Variants in APBA1 observed in about 807,000 individuals in gnomAD.
APBA1 encodes amyloid-beta A4 precursor protein-binding family A member 1.
APBA1 carries 55 observed loss-of-function variants against 86.6 expected under a neutral mutation model. That is an observed-to-expected ratio of 0.64 (90% confidence interval 0.51 to 0.80). The LOEUF (loss-of-function observed/expected upper bound fraction) is 0.80, where lower values mean the gene tolerates loss of function less well. Among genes scored for constraint, APBA1 ranks in the 30% least tolerant of loss-of-function variants. The pLI is 0.00. For missense variants in APBA1, 1,090 were observed against 1,183.0 expected (o/e 0.92, Z 1.15); for synonymous variants, 511 against 493.9 (o/e 1.03, Z -0.46).
At chr9:69,517,349 A>G (rs1836184702) in intron 1 of APBA1, 70 bp from the exon 2 acceptor site, 18 of 1,312,846 alleles carry the variant, frequency 1.4e-5, no homozygotes, top group Non-Finnish European at 1.7e-5. Context: ...TATTCAGATA[A>G]CCATAAAAAC....
intron 1 of APBA1, among the ~76,000 whole-genome samples, chr9:69,544,703 T>C (rs1836669277): frequency 6.6e-6 from 1 of 152,202 alleles, no homozygotes; most frequent in Admixed American, 6.5e-5. Flanking sequence ...GGTAACATAC[T>C]GAAAGAATTT....
At chr9:69,454,951 G>A (rs1244601081) in intron 8 of APBA1, among the ~76,000 whole-genome samples, 1 of 152,172 alleles carries the variant, frequency 6.6e-6, no homozygotes, top group Non-Finnish European at 1.5e-5. Flanking sequence ...CAAGCTCTCT[G>A]TTCTCCCAGT....
intron 8 of APBA1, 52 bp from the exon 9 acceptor site, chr9:69,452,353 G>A (rs1408625692): frequency 1.3e-6 from 2 of 1,574,312 alleles, no homozygotes; most frequent in East Asian, 2.2e-5. Context: ...TGCACCTGGT[G>A]AGCGGCCTGG....
intron 1 of APBA1, among the ~76,000 whole-genome samples, chr9:69,649,953 T>C (rs1823466173): frequency 6.6e-6 from 1 of 152,174 alleles, no homozygotes; most frequent in African/African-American, 2.4e-5. Flanking sequence ...AAAGTAATAA[T>C]AAAGATTTTA....
chr9:69,514,274 C>A (rs1836097735), intron 2 of APBA1, among the ~76,000 whole-genome samples: 2 of 152,140 alleles, frequency 1.3e-5, no homozygotes, highest in African/African-American at 4.8e-5. Flanking sequence ...GCACCTACCA[C>A]AATGAGGCAT....
At chr9:69,632,987 A>G (rs1349958041) in intron 1 of APBA1, among the ~76,000 whole-genome samples, 1 of 151,654 alleles carries the variant, frequency 6.6e-6, no homozygotes, top group African/African-American at 2.4e-5. Flanking sequence ...CTGCTGGGTC[A>G]TGATGGTCAT....
At chr9:69,633,305 G>C (rs1823087353) in intron 1 of APBA1, among the ~76,000 whole-genome samples, 1 of 151,946 alleles carries the variant, frequency 6.6e-6, no homozygotes, top group Admixed American at 6.6e-5. Context: ...TAAATTACCT[G>C]ATTCTTTCCT....
At chr9:69,555,778 G>A (rs1194346505) in intron 1 of APBA1, among the ~76,000 whole-genome samples, 1 of 152,124 alleles carries the variant, frequency 6.6e-6, no homozygotes, top group African/African-American at 2.4e-5. Flanking sequence ...ACTAGTGAGT[G>A]GAACAGTTTT....
intron 5 of APBA1, 71 bp from the exon 6 acceptor site, chr9:69,458,259 G>A: frequency 6.9e-7 from 1 of 1,445,192 alleles, no homozygotes; most frequent in Non-Finnish European, 9.5e-7. Context: ...AAGTCAAAAA[G>A]GGAATTGACA....
Position 69,487,207 on chromosome 9 carries a change from A to C in APBA1, c.1201-11064T>G, listed in dbSNP as rs553080353. ...TGGAGAGGAATTCAAGGATCCTGAC[A>C]AAGTTTTGGAGAAATTCTAGTCAAG... On this transcript the variant is annotated intron_variant, in intron 2 of 12. Transcript: ENST00000265381. 5.3e-5 allele frequency among the ~76,000 whole-genome samples: 8 copies of C among 152,162 alleles called. No individual in the cohort carries two copies. In the South Asian group the frequency reaches 1.7e-3, roughly 32 times the overall value.
chr9:69,573,733 C>T (rs146130635), intron 1 of APBA1, among the ~76,000 whole-genome samples: 3 of 152,316 alleles, frequency 2.0e-5, no homozygotes, highest in African/African-American at 7.2e-5. Flanking sequence ...GCTGCAGCGC[C>T]TGGGTCCCTG....
chr9:69,511,619 C>G (rs1425714361), intron 2 of APBA1, among the ~76,000 whole-genome samples: 3 of 151,850 alleles, frequency 2.0e-5, no homozygotes, highest in Non-Finnish European at 2.9e-5. Flanking sequence ...AAGACACATG[C>G]ACACGTATGT....
At chr9:69,587,989 G>A (rs1452360575) in intron 1 of APBA1, among the ~76,000 whole-genome samples, 4 of 138,910 alleles carry the variant, frequency 2.9e-5, no homozygotes, top group African/African-American at 5.3e-5. Flanking sequence ...TTGTGCCATC[G>A]TACTGCAGCC....
At chr9:69,476,631 T>C (rs12555572) in intron 2 of APBA1, among the ~76,000 whole-genome samples, 11,985 of 138,702 alleles carry the variant, frequency 0.086, 528 homozygotes, top group African/African-American at 0.1. Flanking sequence ...CCACCTGTAT[T>C]TTCCTAGTCA....
intron 1 of APBA1, among the ~76,000 whole-genome samples, chr9:69,604,592 G>A (rs1316121992): frequency 6.8e-6 from 1 of 147,942 alleles, no homozygotes. Context: ...AGAGGCACAC[G>A]GGTGTGGGCA....
chr9:69,497,912 G>T (rs1835825126), intron 2 of APBA1, among the ~76,000 whole-genome samples: 1 of 152,120 alleles, frequency 6.6e-6, no homozygotes, highest in South Asian at 2.1e-4. Flanking sequence ...CAGTGGGAGA[G>T]GACAAGGCCA....
chr9:69,569,421 T>C (rs1301329092), intron 1 of APBA1, among the ~76,000 whole-genome samples: 1 of 151,308 alleles, frequency 6.6e-6, no homozygotes, highest in South Asian at 2.1e-4. Context: ...CCTTGATATA[T>C]GGAGACATTT....
At chr9:69,488,398 G>T (rs11138902) in intron 2 of APBA1, among the ~76,000 whole-genome samples, 2 of 151,764 alleles carry the variant, frequency 1.3e-5, no homozygotes, top group Non-Finnish European at 1.5e-5. Flanking sequence ...CTAAGAATTC[G>T]TGTACAGTTG....
intron 1 of APBA1, among the ~76,000 whole-genome samples, chr9:69,542,527 G>A (rs1732839935): frequency 1.3e-5 from 2 of 152,082 alleles, no homozygotes; most frequent in African/African-American, 2.4e-5. Flanking sequence ...TTCACCTATC[G>A]AAGGACATCT....
Sources: allele counts gnomAD v4.1 joint callset (sites outside exome capture counted in the v4.1 genomes callset), GRCh38; gene constraint gnomAD v4.1.1; transcripts MANE v1.5; gene names NCBI Gene and HGNC (gene_info 2026-07-23, HGNC 2026-07-21).